The following KMT2E variants were observed in gnomAD, a reference collection of about 807,000 sequenced individuals.
The protein encoded by KMT2E is histone reader KMT2E.
A neutral mutation model predicts 184.6 loss-of-function variants in KMT2E; 30 were observed. That is an observed-to-expected ratio of 0.16 (90% confidence interval 0.12 to 0.22). KMT2E has a LOEUF of 0.22. KMT2E is among the 10% of genes least tolerant of loss of function. The pLI, the probability that KMT2E is intolerant of heterozygous loss-of-function variation, is 1.00. For missense variants in KMT2E, 2,023 were observed against 2,237.4 expected, an observed-to-expected ratio of 0.90 and a Z score of 1.93; for synonymous variants, 815 against 776.5, an observed-to-expected ratio of 1.05 and a Z score of -0.82.
At chr7:105,081,131 C>T (rs182599758) in intron 12 of KMT2E, among the ~76,000 whole-genome samples, 104 of 152,188 alleles carry the variant, frequency 6.8e-4, no homozygotes, top group African/African-American at 2.5e-3. Context: ...CCTGTAATCC[C>T]AGCACTTGGG....
intron 1 of KMT2E, among the ~76,000 whole-genome samples, chr7:105,015,685 G>A (rs1794687336): frequency 6.6e-6 from 1 of 152,034 alleles, no homozygotes; most frequent in Non-Finnish European, 1.5e-5. Flanking sequence ...GCGGCCCCAG[G>A]CTGATGTTGT....
At chr7:105,041,145 A>T (rs1189539512) in intron 3 of KMT2E, 122 bp downstream of exon 3, 37 of 165,280 alleles carry the variant, frequency 2.2e-4, no homozygotes, top group East Asian at 3.4e-4. Flanking sequence ...TTTTTAAAGT[A>T]AAAAAAAAAA....
intron 1 of KMT2E, among the ~76,000 whole-genome samples, chr7:105,021,915 T>A (rs1374463176): frequency 6.6e-6 from 1 of 152,162 alleles, no homozygotes; most frequent in South Asian, 2.1e-4. Flanking sequence ...TAAAATTTAC[T>A]GAAAATTTAC....
intron 3 of KMT2E, among the ~76,000 whole-genome samples, chr7:105,049,025 A>T (rs1430277717): frequency 6.6e-6 from 1 of 152,262 alleles, no homozygotes; most frequent in Non-Finnish European, 1.5e-5. Flanking sequence ...AGGCAGGAAC[A>T]AATTTAGATT....
chr7:105,089,202 T>C (rs1439379812), intron 13 of KMT2E: 6 of 404,184 alleles, frequency 1.5e-5, no homozygotes, highest in Non-Finnish European at 2.4e-5. Flanking sequence ...TCCTAAACTT[T>C]TTTTGTTTTT....
At position 105,113,251 on chromosome 7, in the gene KMT2E, C is replaced by T. The variant is rs757753501; in HGVS notation, c.5495C>T (p.Pro1832Leu). 3 of 1,614,096 alleles carry T rather than the reference C, an allele frequency of 1.9e-6. No individual in the cohort carries two copies. In the Admixed American group the frequency reaches 5.0e-5, roughly 27 times the overall value. ...HGVQGPQQAS[P>L]VPGQIPIHRA... is the part of the protein sequence containing the mutation. ...GTTCAAGGACCTCAGCAGGCATCTC[C>T]AGTGCCTGGACAGATTCCAATTCAC... Residue 1832 changes from proline (P) to leucine (L), a missense_variant, in exon 27 of 27, where the codon CCA becomes CTA. Around this residue, in one of 8 missense-constraint regions of KMT2E, gnomAD observed 1,108 missense variants for 1,050.9 expected, o/e 1.05. Coordinates refer to ENST00000311117, the MANE Select transcript of KMT2E (RefSeq NM_182931.3).
At chr7:105,049,720 A>G (rs10249965) in intron 3 of KMT2E, among the ~76,000 whole-genome samples, 42,624 of 151,620 alleles carry the variant, frequency 0.28, 8,869 homozygotes, top group East Asian at 0.64. Flanking sequence ...GCAAAACCCC[A>G]TGTCTACTAA....
At chr7:105,089,900 T>A (rs1798131079) in intron 13 of KMT2E, 109 bp from the exon 14 acceptor site, 15 of 1,482,776 alleles carry the variant, frequency 1.0e-5, no homozygotes, top group Non-Finnish European at 1.4e-5. Context: ...TTGCTTATAA[T>A]TAATAGTAAT....
At chr7:105,033,051 T>G (rs1327985130) in intron 1 of KMT2E, among the ~76,000 whole-genome samples, 1 of 152,218 alleles carries the variant, frequency 6.6e-6, no homozygotes, top group Non-Finnish European at 1.5e-5. Context: ...AAACCACAGA[T>G]GTAGCAAACA....
chr7:105,071,096 A>G (rs1797265900), intron 6 of KMT2E, among the ~76,000 whole-genome samples: 1 of 152,196 alleles, frequency 6.6e-6, no homozygotes, highest in African/African-American at 2.4e-5. Context: ...GTAGCATATT[A>G]TAGAGTCTTC....
chr7:105,064,836 C>T (rs1420777631), intron 5 of KMT2E, among the ~76,000 whole-genome samples: 1 of 152,122 alleles, frequency 6.6e-6, no homozygotes, highest in Admixed American at 6.6e-5. Flanking sequence ...TGTAGCCAGT[C>T]ATATAGAAAA....
Position 105,081,762 on chromosome 7 carries a change from A to G in KMT2E, c.1323A>G (p.Glu441=). The G allele has an allele frequency of 6.6e-7, 1 of 1,520,256 alleles. No homozygotes were observed. The highest frequency in any genetic ancestry group is 9.0e-7 in the Non-Finnish European group (1 of 1,105,828). 94.2% of individuals were successfully genotyped at this position (1,520,256 alleles called of 1,614,324 possible). Residue 441 remains glutamate (E), a synonymous_variant, in exon 13 of 27, where the codon GAA becomes GAG. Coordinates refer to ENST00000311117, the MANE Select transcript of KMT2E (RefSeq NM_182931.3). ...TACACAGTATTCCAAAGGGAACTGA[A>G]ATTACTATTGCCTTTGATTTTGACT... ...YSIHSIPKGT[E]ITIAFDFDYG... is the part of the protein sequence containing the mutation.
Position 105,113,167 on chromosome 7 carries a change from C to T in KMT2E, c.5411C>T (p.Pro1804Leu), listed in dbSNP as rs1366212432. 7 of 1,614,048 alleles carry T rather than the reference C, an allele frequency of 4.3e-6. No homozygotes were observed. The highest frequency in any genetic ancestry group is 2.2e-5 in the East Asian group (1 of 44,886). Residue 1804 changes from proline to leucine, a missense_variant, in exon 27 of 27, where the codon CCA (proline) becomes CTA (leucine). This residue lies in a region of KMT2E where 1,108 missense variants were observed against 1,050.9 expected (regional missense o/e 1.05). Coordinates refer to ENST00000311117, the MANE Select transcript of KMT2E (RefSeq NM_182931.3). ...HLQPQGPNSI[P>L]TPTASGFCPH... Reference sequence around the variant, plus strand: ...CAGCCCCAAGGACCAAACAGTATTCCAACACCTACTGCTTCAGGGTTCTGT... The same window carrying T: ...CAGCCCCAAGGACCAAACAGTATTCTAACACCTACTGCTTCAGGGTTCTGT...
intron 13 of KMT2E, among the ~76,000 whole-genome samples, chr7:105,084,327 C>T (rs1307492166): frequency 2.0e-5 from 3 of 152,088 alleles, no homozygotes; most frequent in Admixed American, 6.6e-5. Context: ...ATAGGTGTTA[C>T]TCAAAATTTA....
At chr7:105,099,309 C>G (rs1798555145) in intron 15 of KMT2E, among the ~76,000 whole-genome samples, 1 of 152,154 alleles carries the variant, frequency 6.6e-6, no homozygotes, top group Non-Finnish European at 1.5e-5. Flanking sequence ...ACCAGGAAAC[C>G]TGCATAACCT....
chr7:105,029,076 C>T lies in KMT2E; in HGVS notation c.-188-9050C>T, dbSNP rs141691843. On this transcript the variant is annotated intron_variant, in intron 1 of 26. Coordinates refer to ENST00000311117, the MANE Select transcript of KMT2E (RefSeq NM_182931.3). ...AGTCAGGAGTTCGAGACTAGCCTGG[C>T]CAACATAGGGAAACCCCGTCTCTAC... Among the ~76,000 whole-genome samples the T allele has an allele frequency of 3.6e-3, 553 of 152,068 alleles. 3 individuals are homozygous for T. Among genetic ancestry groups the T allele is most frequent in the African/African-American group, 0.012 (507 of 41,478 alleles).
At chr7:105,096,494 G>A (rs147074829) in intron 15 of KMT2E, among the ~76,000 whole-genome samples, 1 of 152,144 alleles carries the variant, frequency 6.6e-6, no homozygotes, top group African/African-American at 2.4e-5. Flanking sequence ...ACGGTGAAAG[G>A]GTATGACAAG....
At chr7:105,077,502 G>C (rs1797579901) in intron 11 of KMT2E, 69 bp downstream of exon 11, 1 of 1,215,940 alleles carries the variant, frequency 8.2e-7, no homozygotes, top group Non-Finnish European at 1.2e-6. Context: ...GTTTTACCTA[G>C]ATGTTGTGAT....
chr7:105,067,066 T>TAAA (rs11457088), intron 6 of KMT2E, among the ~76,000 whole-genome samples: 23 of 115,446 alleles, frequency 2.0e-4, no homozygotes, highest in East Asian at 7.3e-4. Context: ...CTTTTTTTTT[T>TAAA]AAAAAAAAAA....
Sources: gnomAD v4.1 joint callset for allele counts (sites outside exome capture counted in the v4.1 genomes callset) on GRCh38, gnomAD v4.1.1 for gene constraint, gnomAD v4.1.1 regional missense constraint, MANE v1.5 for transcripts, NCBI Gene and HGNC (gene_info 2026-07-23, HGNC 2026-07-21) for gene names.